Variants in NALF1 observed in about 807,000 individuals in gnomAD.
NALF1 encodes family with sequence similarity 155 member A.
Under a neutral mutation model 48.4 loss-of-function variants are expected in NALF1, and 3 were observed. The observed-to-expected ratio is 0.06, with a 90% CI of 0.03 to 0.16. The LOEUF is 0.16. Among genes scored for constraint, NALF1 ranks in the 10% least tolerant of loss-of-function variants. NALF1 has a pLI of 1.00. For synonymous variants in NALF1, 262 were observed against 245.7 expected (o/e 1.07, Z -0.62); for missense variants, 526 against 571.5 (o/e 0.92, Z 0.81).
intron 1 of NALF1, among the ~76,000 whole-genome samples, chr13:107,583,251 C>G (rs1324593401): frequency 6.6e-6 from 1 of 151,844 alleles, no homozygotes; most frequent in Non-Finnish European, 1.5e-5. Flanking sequence ...TTAAGATTTA[C>G]AATGCATATG....
intron 1 of NALF1, among the ~76,000 whole-genome samples, chr13:107,534,756 C>G (rs1025216803): frequency 2.6e-5 from 4 of 152,150 alleles, no homozygotes; most frequent in African/African-American, 9.7e-5. Context: ...GACTCTGAAG[C>G]AGGAGACCCC....
At chr13:107,569,292 AC>A (rs1433802974) in intron 1 of NALF1, among the ~76,000 whole-genome samples, 1 of 151,464 alleles carries the variant, frequency 6.6e-6, no homozygotes, top group Non-Finnish European at 1.5e-5. Flanking sequence ...ACACGGTGAA[AC>A]CCCGTCTCTA....
chr13:107,814,010 A>G (rs1275344512), intron 1 of NALF1, among the ~76,000 whole-genome samples: 4 of 152,170 alleles, frequency 2.6e-5, no homozygotes, highest in Admixed American at 6.6e-5. Flanking sequence ...GGGGGAGTAC[A>G]AAGAAGGAAA....
chr13:107,631,758 A>G (rs1037300723), intron 1 of NALF1, among the ~76,000 whole-genome samples: 3 of 152,138 alleles, frequency 2.0e-5, no homozygotes, highest in African/African-American at 7.2e-5. Flanking sequence ...CTGAAATCAA[A>G]TCAAGAGAGA....
intron 1 of NALF1, among the ~76,000 whole-genome samples, chr13:107,822,487 G>C (rs538289200): frequency 6.6e-6 from 1 of 151,980 alleles, no homozygotes; most frequent in Non-Finnish European, 1.5e-5. Context: ...TGGAGAGTGA[G>C]GTACAGGAAT....
intron 1 of NALF1, among the ~76,000 whole-genome samples, chr13:107,520,952 C>A (rs79200638): frequency 6.6e-6 from 1 of 152,112 alleles, no homozygotes; most frequent in African/African-American, 2.4e-5. Context: ...CTAAGAAAGA[C>A]GTACCCAGTG....
intron 1 of NALF1, chr13:107,531,305 A>G (rs1463409002): frequency 6.0e-6 from 1 of 165,494 alleles, no homozygotes; most frequent in Admixed American, 6.6e-5. Flanking sequence ...CCTCTTGGTG[A>G]TGAGTGAGCT....
At chr13:107,417,228 T>G (rs1384905324) in intron 1 of NALF1, among the ~76,000 whole-genome samples, 2 of 152,228 alleles carry the variant, frequency 1.3e-5, no homozygotes, top group Non-Finnish European at 2.9e-5. Flanking sequence ...AGCACCCTGT[T>G]TTATCTTATA....
At position 107,337,635 on chromosome 13, in the gene NALF1, T is replaced by C. The variant is rs530047327; in HGVS notation, c.916-126880A>G. ...TCCTATGAAAGCTATTTGAGGCCAT[T>C]ATTGTATAATTTCCTCTCTGAAAAA... is the stretch of plus-strand genomic sequence containing the variant. On this transcript the variant is annotated intron_variant, in intron 1 of 2. Transcript: ENST00000375915. 1.3e-4 allele frequency among the ~76,000 whole-genome samples: 20 copies of C among 152,286 alleles called. No individual in the cohort carries two copies. The South Asian group carries it at 3.1e-3, about 24-fold the overall frequency.
At chr13:107,585,198 T>C (rs192545828) in intron 1 of NALF1, among the ~76,000 whole-genome samples, 38 of 152,192 alleles carry the variant, frequency 2.5e-4, no homozygotes, top group Non-Finnish European at 4.6e-4. Context: ...TTTAAATAAA[T>C]CAAATAAAGA....
chr13:107,252,480 A>G lies in NALF1; in HGVS notation c.916-41725T>C, dbSNP rs569853395. 2.3e-3 allele frequency among the ~76,000 whole-genome samples: 355 copies of G among 151,338 alleles called. 3 individuals carry two copies. Among genetic ancestry groups the G allele is most frequent in the African/African-American group, 8.4e-3 (347 of 41,192 alleles). ...ACAGAGAGGAGAAAGAGAGAAAGAG[A>G]GAGAGGAGAAGGAAGGAGGAGGGAA... On this transcript the variant is annotated intron_variant, in intron 1 of 2. Coordinates refer to ENST00000375915, the MANE Select transcript of NALF1 (RefSeq NM_001080396.3).
At chr13:107,524,453 T>C (rs1452530449) in intron 1 of NALF1, among the ~76,000 whole-genome samples, 1 of 152,054 alleles carries the variant, frequency 6.6e-6, no homozygotes, top group Non-Finnish European at 1.5e-5. Flanking sequence ...TCTATGTTAA[T>C]ACAATGTCAA....
chr13:107,414,936 C>T (rs1884060168), intron 1 of NALF1, among the ~76,000 whole-genome samples: 1 of 151,632 alleles, frequency 6.6e-6, no homozygotes, highest in Non-Finnish European at 1.5e-5. Context: ...ATGTGTTTAC[C>T]CTTGCACAGT....
At chr13:107,813,262 ATAAT>A (rs1193543720) in intron 1 of NALF1, among the ~76,000 whole-genome samples, 2 of 152,206 alleles carry the variant, frequency 1.3e-5, no homozygotes, top group African/African-American at 4.8e-5. Flanking sequence ...AACCAAAGCT[ATAAT>A]TAAGTTGATA....
chr13:107,382,679 C>A (rs1461370022), intron 1 of NALF1, among the ~76,000 whole-genome samples: 1 of 152,188 alleles, frequency 6.6e-6, no homozygotes, highest in Non-Finnish European at 1.5e-5. Context: ...CTGGGACACT[C>A]CCACTGTCCT....
chr13:107,221,284 T>A (rs891907845), intron 1 of NALF1, among the ~76,000 whole-genome samples: 4 of 152,092 alleles, frequency 2.6e-5, no homozygotes, highest in African/African-American at 7.2e-5. Context: ...TATTGAAATT[T>A]AAAAAATTCA....
At chr13:107,385,028 GGT>G (rs1883504094) in intron 1 of NALF1, among the ~76,000 whole-genome samples, 1 of 152,122 alleles carries the variant, frequency 6.6e-6, no homozygotes, top group Non-Finnish European at 1.5e-5. Flanking sequence ...CACTTCATGT[GGT>G]TGTAAAACTA....
intron 1 of NALF1, among the ~76,000 whole-genome samples, chr13:107,741,059 CTT>C (rs1876619887): frequency 1.3e-5 from 2 of 152,124 alleles, no homozygotes; most frequent in Admixed American, 6.6e-5. Flanking sequence ...CATTGATTCT[CTT>C]GTTTGGTATC....
intron 1 of NALF1, among the ~76,000 whole-genome samples, chr13:107,522,716 GC>G (rs1228536136): frequency 6.6e-6 from 1 of 151,768 alleles, no homozygotes; most frequent in Non-Finnish European, 1.5e-5. Flanking sequence ...AGATTCTCCT[GC>G]CTTTGCGTCC....
Sources: allele counts gnomAD v4.1 joint callset (sites outside exome capture counted in the v4.1 genomes callset), GRCh38; gene constraint gnomAD v4.1.1; transcripts MANE v1.5; gene names NCBI Gene and HGNC (gene_info 2026-07-23, HGNC 2026-07-21).